The following HIVEP3 variants were observed in gnomAD, a reference collection of about 807,000 sequenced individuals.
HIVEP3 encodes HIVEP zinc finger 3, also known as transcription factor HIVEP3.
In HIVEP3, 49 loss-of-function variants were observed where a neutral mutation model predicts 152.8. The ratio of observed to expected loss-of-function variants is 0.32; its 90% CI spans 0.26 to 0.41. The LOEUF is 0.41. Among genes scored for constraint, HIVEP3 ranks in the 10% least tolerant of loss-of-function variants. The pLI is 1.00. For missense variants in HIVEP3, 2,790 were observed against 3,103.3 expected (o/e 0.90, Z 2.40); for synonymous variants, 1,269 against 1,289.0 (o/e 0.98, Z 0.33).
intron 1 of HIVEP3, among the ~76,000 whole-genome samples, chr1:41,899,110 C>T (rs1237287720): frequency 6.6e-6 from 1 of 152,196 alleles, no homozygotes; most frequent in Non-Finnish European, 1.5e-5. Flanking sequence ...GCCACTATAT[C>T]CTGAATTATA....
intron 1 of HIVEP3, among the ~76,000 whole-genome samples, chr1:41,987,831 C>T (rs569724300): frequency 3.9e-5 from 6 of 152,068 alleles, no homozygotes; most frequent in East Asian, 1.9e-4. Context: ...ACAATTATGG[C>T]GGAAGGGGAA....
chr1:42,023,780 C>G (rs1232799668), intron 1 of HIVEP3, among the ~76,000 whole-genome samples: 1 of 152,196 alleles, frequency 6.6e-6, no homozygotes, highest in Non-Finnish European at 1.5e-5. Flanking sequence ...TTTCCAGAAC[C>G]ATGAACCAAT....
At chr1:41,675,808 T>G (rs1391576711) in intron 2 of HIVEP3, among the ~76,000 whole-genome samples, 3 of 152,098 alleles carry the variant, frequency 2.0e-5, no homozygotes. Context: ...TAGAGGAAAG[T>G]GTGCAGGGGT....
At position 41,580,243 on chromosome 1, in the gene HIVEP3, C is replaced by G. The variant is rs746231990; in HGVS notation, c.4555G>C (p.Ala1519Pro). The change falls in exon 4 of 9, where the codon GCA becomes CCA. Residue 1519 changes from alanine to proline, a missense_variant. Transcript: ENST00000372583. ...CCTGGGGCTGTCCCATGGGACAATG[C>G]AGGGTGAGGGAGGGGAGGAATTTCC... ...TKEIPPLPHPALSHGTAPGSE... is the reference protein window; with the variant it reads ...TKEIPPLPHPPLSHGTAPGSE... 6.2e-7 allele frequency: 1 copy of G among 1,613,160 alleles called. No homozygotes were observed. Among genetic ancestry groups the G allele is most frequent in the East Asian group, 2.2e-5 (1 of 44,880 alleles).
At chr1:41,611,689 T>C (rs80250251) in intron 3 of HIVEP3, among the ~76,000 whole-genome samples, 3,622 of 152,324 alleles carry the variant, frequency 0.024, 143 homozygotes, top group African/African-American at 0.083. Context: ...AAAACTCGAA[T>C]GTTGTTCAGG....
At chr1:41,845,457 A>G (rs1053933023) in intron 1 of HIVEP3, among the ~76,000 whole-genome samples, 1 of 130,226 alleles carries the variant, frequency 7.7e-6, no homozygotes, top group African/African-American at 2.9e-5. Flanking sequence ...ACACACACAC[A>G]CGCCTCTTTC....
At chr1:41,992,185 A>G (rs1645366098) in intron 1 of HIVEP3, among the ~76,000 whole-genome samples, 1 of 150,492 alleles carries the variant, frequency 6.6e-6, no homozygotes, top group African/African-American at 2.4e-5. Context: ...AGGGTATTCA[A>G]TTAGGAAAAG....
intron 2 of HIVEP3, among the ~76,000 whole-genome samples, chr1:41,692,203 C>G (rs1260373218): frequency 6.6e-6 from 1 of 152,216 alleles, no homozygotes; most frequent in African/African-American, 2.4e-5. Flanking sequence ...ATGAGGCGAC[C>G]TTCTGCCTTC....
At chr1:41,833,454 C>A (rs1362754869) in intron 1 of HIVEP3, among the ~76,000 whole-genome samples, 2 of 152,104 alleles carry the variant, frequency 1.3e-5, no homozygotes, top group East Asian at 3.8e-4. Context: ...GAGGTTGATA[C>A]TGTTCCTATC....
intron 3 of HIVEP3, among the ~76,000 whole-genome samples, chr1:41,620,537 C>T (rs1225490307): frequency 1.3e-5 from 2 of 152,152 alleles, no homozygotes; most frequent in African/African-American, 4.8e-5. Context: ...AAGCTTTGGT[C>T]TCTAATCCCC....
At chr1:41,544,744 CCACTACCACCACCAT>C (rs1488652974) in intron 5 of HIVEP3, among the ~76,000 whole-genome samples, 1 of 143,500 alleles carries the variant, frequency 7.0e-6, no homozygotes, top group African/African-American at 2.9e-5. Flanking sequence ...ACCATCACCA[CCACTACCACCACCAT>C]CACCACCACT....
intron 3 of HIVEP3, among the ~76,000 whole-genome samples, chr1:41,589,528 C>T (rs1436930383): frequency 6.6e-6 from 1 of 152,198 alleles, no homozygotes; most frequent in Non-Finnish European, 1.5e-5. Flanking sequence ...CCTTCTGTAT[C>T]GAAGGCGTCA....
At chr1:41,653,660 G>T (rs1276735762) in intron 2 of HIVEP3, among the ~76,000 whole-genome samples, 1 of 152,148 alleles carries the variant, frequency 6.6e-6, no homozygotes, top group African/African-American at 2.4e-5. Flanking sequence ...GGCATCTGGT[G>T]CCTCTCCTAG....
At chr1:41,601,842 C>T (rs549431311) in intron 3 of HIVEP3, among the ~76,000 whole-genome samples, 4 of 152,074 alleles carry the variant, frequency 2.6e-5, no homozygotes, top group African/African-American at 4.8e-5. Flanking sequence ...AAAACTTTTC[C>T]GTTTTTCACC....
Position 41,547,515 on chromosome 1 carries a change from T to C in HIVEP3, c.5208-22605A>G, listed in dbSNP as rs190280492. On this transcript the variant is annotated intron_variant, in intron 5 of 8. Transcript: ENST00000372583. ...AGCAAAGGCACAGAGGCAGGGATGCTTGGGATCCACCGAGGGAATGGCTTG... is the reference window on the plus strand; with the variant it reads ...AGCAAAGGCACAGAGGCAGGGATGCCTGGGATCCACCGAGGGAATGGCTTG... Among the ~76,000 whole-genome samples the C allele has an allele frequency of 2.3e-3, 352 of 152,112 alleles. 8 individuals are homozygous for C. In the South Asian group the frequency reaches 0.036, roughly 16 times the overall value.
chr1:41,901,269 T>C (rs1200623817), intron 1 of HIVEP3, among the ~76,000 whole-genome samples: 5 of 151,868 alleles, frequency 3.3e-5, no homozygotes, highest in Admixed American at 3.3e-4. Context: ...GTCATGCATG[T>C]GGGAAGGTGC....
chr1:41,834,245 C>T (rs1394833700), intron 1 of HIVEP3, among the ~76,000 whole-genome samples: 1 of 152,106 alleles, frequency 6.6e-6, no homozygotes, highest in Non-Finnish European at 1.5e-5. Context: ...CATCTCTCTG[C>T]AGAGACCACG....
At chr1:41,623,028 T>C (rs1202160669) in intron 3 of HIVEP3, among the ~76,000 whole-genome samples, 2 of 152,204 alleles carry the variant, frequency 1.3e-5, no homozygotes, top group Non-Finnish European at 2.9e-5. Flanking sequence ...GCAGCCAGTA[T>C]GAGACAGAGC....
At chr1:42,028,280 C>T (rs1645593400) in intron 1 of HIVEP3, among the ~76,000 whole-genome samples, 1 of 152,148 alleles carries the variant, frequency 6.6e-6, no homozygotes, top group African/African-American at 2.4e-5. Context: ...TGATATATCA[C>T]AAACATCTAG....
Sources: allele counts gnomAD v4.1 joint callset (sites outside exome capture counted in the v4.1 genomes callset), GRCh38; gene constraint gnomAD v4.1.1; transcripts MANE v1.5; gene names NCBI Gene and HGNC (gene_info 2026-07-23, HGNC 2026-07-21).